The following GPC5 variants were observed in gnomAD, a reference collection of about 807,000 sequenced individuals.
The protein encoded by GPC5 is glypican 5.
GPC5 carries 47 observed loss-of-function variants against 53.9 expected under a neutral mutation model. The ratio of observed to expected loss-of-function variants is 0.87; its 90% CI spans 0.69 to 1.11. GPC5 has a LOEUF of 1.11. GPC5 is among the 50% of genes most tolerant of loss of function. GPC5 has a pLI of 0.00. For synonymous variants in GPC5, 286 were observed against 263.3 expected, an observed-to-expected ratio of 1.09 and a Z score of -0.84; for missense variants, 748 against 713.1, an observed-to-expected ratio of 1.05 and a Z score of -0.56.
intron 7 of GPC5, among the ~76,000 whole-genome samples, chr13:92,718,199 G>T (rs1888392614): frequency 6.6e-6 from 1 of 152,114 alleles, no homozygotes; most frequent in East Asian, 1.9e-4. Flanking sequence ...CCCACTGCTA[G>T]GTATATACCC....
intron 7 of GPC5, among the ~76,000 whole-genome samples, chr13:92,863,607 C>T (rs1444008860): frequency 1.3e-5 from 2 of 152,176 alleles, no homozygotes; most frequent in East Asian, 1.9e-4. Context: ...GATTCTCCTG[C>T]CTCGGCTTCC....
intron 6 of GPC5, among the ~76,000 whole-genome samples, chr13:91,992,448 G>A (rs2040465610): frequency 6.9e-6 from 1 of 144,782 alleles, no homozygotes; most frequent in African/African-American, 2.6e-5. Context: ...ACATTTGTAT[G>A]AAGCTATTTA....
chr13:92,799,623 T>C (rs1216045588), intron 7 of GPC5, among the ~76,000 whole-genome samples: 1 of 151,886 alleles, frequency 6.6e-6, no homozygotes, highest in Non-Finnish European at 1.5e-5. Context: ...GGTAAAAAGT[T>C]TCAGAGGAGT....
intron 1 of GPC5, among the ~76,000 whole-genome samples, chr13:91,442,073 T>C (rs1283003272): frequency 1.3e-5 from 2 of 152,182 alleles, no homozygotes. Context: ...CCAGCAATCC[T>C]ACCTTAAAAA....
At chr13:92,385,656 TATATATAC>T (rs1020435089) in intron 7 of GPC5, among the ~76,000 whole-genome samples, 29 of 142,896 alleles carry the variant, frequency 2.0e-4, no homozygotes, top group South Asian at 4.2e-4. Flanking sequence ...TATACACATA[TATATATAC>T]ATATATACAT....
intron 5 of GPC5, among the ~76,000 whole-genome samples, chr13:91,843,120 AC>A (rs2038808669): frequency 6.6e-6 from 1 of 152,138 alleles, no homozygotes; most frequent in Non-Finnish European, 1.5e-5. Context: ...TGTATTCTAA[AC>A]TTTTGCTGAG....
At chr13:91,496,912 C>A (rs137917725) in intron 2 of GPC5, among the ~76,000 whole-genome samples, 192 of 152,200 alleles carry the variant, frequency 1.3e-3, no homozygotes, top group African/African-American at 4.1e-3. Context: ...CTAATATGTA[C>A]CCGCAACAGT....
At chr13:91,996,975 TGTAA>T (rs749833715) in intron 6 of GPC5, among the ~76,000 whole-genome samples, 1 of 152,040 alleles carries the variant, frequency 6.6e-6, no homozygotes, top group South Asian at 2.1e-4. Flanking sequence ...AAAACATTAT[TGTAA>T]GTATCTTAAT....
At position 91,554,805 on chromosome 13, in the gene GPC5, T is replaced by C. The variant is rs529464322; in HGVS notation, c.325+105883T>C. Reference sequence around the variant, plus strand: ...AACCCACATCTAATTTTAAAAGGCCTTGAAAAATAAGTTATTACAGAAATC... The same window carrying C: ...AACCCACATCTAATTTTAAAAGGCCCTGAAAAATAAGTTATTACAGAAATC... On this transcript the variant is annotated intron_variant, in intron 2 of 7. Coordinates refer to ENST00000377067, the MANE Select transcript of GPC5 (RefSeq NM_004466.6). Among the ~76,000 whole-genome samples, 12 of 152,138 alleles carry C rather than the reference T, an allele frequency of 7.9e-5. No homozygotes were observed. The South Asian group carries it at 1.7e-3, about 21-fold the overall frequency.
intron 7 of GPC5, among the ~76,000 whole-genome samples, chr13:92,685,426 T>G (rs947673050): frequency 3.3e-5 from 5 of 152,074 alleles, no homozygotes; most frequent in African/African-American, 1.2e-4. Context: ...AAACTAAAAC[T>G]TCACCTGTTA....
intron 2 of GPC5, among the ~76,000 whole-genome samples, chr13:91,638,389 G>A (rs746388755): frequency 3.4e-5 from 5 of 149,204 alleles, no homozygotes; most frequent in Non-Finnish European, 4.4e-5. Context: ...TTTTTGAGAC[G>A]GAGTTTCACC....
intron 1 of GPC5, among the ~76,000 whole-genome samples, chr13:91,408,315 T>C (rs1213880514): frequency 6.6e-6 from 1 of 152,194 alleles, no homozygotes; most frequent in Non-Finnish European, 1.5e-5. Flanking sequence ...GTGGTATTTG[T>C]CTTTTTGTGC....
At chr13:92,083,799 A>G (rs2041315450) in intron 6 of GPC5, among the ~76,000 whole-genome samples, 1 of 152,120 alleles carries the variant, frequency 6.6e-6, no homozygotes, top group Non-Finnish European at 1.5e-5. Context: ...ATTCCCACCA[A>G]CAGTATAAAA....
At chr13:91,664,828 C>T (rs781271991) in intron 2 of GPC5, among the ~76,000 whole-genome samples, 1 of 152,214 alleles carries the variant, frequency 6.6e-6, no homozygotes, top group Non-Finnish European at 1.5e-5. Flanking sequence ...TAACCACAAG[C>T]TTTGCTTATA....
chr13:92,324,117 A>T (rs1274052085), intron 7 of GPC5, among the ~76,000 whole-genome samples: 13 of 152,004 alleles, frequency 8.6e-5, no homozygotes, highest in African/African-American at 2.7e-4. Flanking sequence ...GAATAAGTCA[A>T]TGAAGAAAAA....
At chr13:91,749,769 A>G (rs1594518188) in intron 4 of GPC5, among the ~76,000 whole-genome samples, 1 of 152,346 alleles carries the variant, frequency 6.6e-6, no homozygotes, top group Non-Finnish European at 1.5e-5. Flanking sequence ...ACTTTTTAAT[A>G]AAGACATTTT....
chr13:92,169,787 A>G (rs1306798897), intron 7 of GPC5, among the ~76,000 whole-genome samples: 1 of 152,160 alleles, frequency 6.6e-6, no homozygotes. Flanking sequence ...GAGACAGCAT[A>G]GGTGTTCTTA....
intron 7 of GPC5, among the ~76,000 whole-genome samples, chr13:92,472,219 A>G (rs1329017301): frequency 3.3e-5 from 5 of 152,040 alleles, no homozygotes; most frequent in Non-Finnish European, 7.4e-5. Flanking sequence ...CCTTAAAATG[A>G]GTAGAATAAT....
At chr13:91,785,267 G>A (rs1399271876) in intron 5 of GPC5, among the ~76,000 whole-genome samples, 1 of 152,060 alleles carries the variant, frequency 6.6e-6, no homozygotes, top group Non-Finnish European at 1.5e-5. Context: ...CTTTATATGT[G>A]GGGCTATCCT....
Sources: gnomAD v4.1 joint callset for allele counts (sites outside exome capture counted in the v4.1 genomes callset) on GRCh38, gnomAD v4.1.1 for gene constraint, MANE v1.5 for transcripts, NCBI Gene and HGNC (gene_info 2026-07-23, HGNC 2026-07-21) for gene names.